The following CCR3 variants were observed in gnomAD, a reference collection of about 807,000 sequenced individuals.
CCR3 encodes C-C chemokine receptor type 3.
For synonymous variants in CCR3, 203 were observed against 179.2 expected, an observed-to-expected ratio of 1.13 and a Z score of -1.06; for missense variants, 419 against 437.5, an observed-to-expected ratio of 0.96 and a Z score of 0.38.
In CCR3 at chr3:46,262,697, C is replaced by T. The variant is rs547500655; in HGVS notation, c.-11-2451C>T. On this transcript the variant is annotated intron_variant, in intron 1 of 1. Transcript: ENST00000395940. ...TTTGAGATGGAGTCTGGCTGTCGCC[C>T]AGGCTGGAGTGCAGCGGCGTGATCA... Among the ~76,000 whole-genome samples the T allele has an allele frequency of 5.9e-5, 9 of 152,124 alleles. No individual in the cohort carries two copies. In the East Asian group the frequency reaches 1.5e-3, roughly 26 times the overall value.
chr3:46,253,587 C>T (rs1303737697), intron 1 of CCR3, among the ~76,000 whole-genome samples: 1 of 152,162 alleles, frequency 6.6e-6, no homozygotes. Context: ...CTGCATATAA[C>T]ACTTTTATTA....
chr3:46,251,439 G>C (rs1700309800), intron 1 of CCR3, among the ~76,000 whole-genome samples: 3 of 152,124 alleles, frequency 2.0e-5, no homozygotes, highest in African/African-American at 7.2e-5. Context: ...TTGGAGAAGA[G>C]AGTAAAAAGA....
At chr3:46,217,348 G>A (rs1559523822) in intron 2 of CCR3, among the ~76,000 whole-genome samples, 2 of 151,384 alleles carry the variant, frequency 1.3e-5, no homozygotes, top group Non-Finnish European at 3.0e-5. Context: ...TGAGATTGAT[G>A]GCAACACAAT....
In CCR3 at chr3:46,216,120, T is replaced by G. The variant is rs999357052; in HGVS notation, c.-68+5213T>G. The stretch of plus-strand genomic sequence containing the variant: ...AATTTGAAGTGTATGCATTTTTTAT[T>G]CCAGCAATTCCACTTTTATGAATTT... On this transcript the variant is annotated intron_variant, in intron 2 of 3. Transcript: ENST00000357422. Among the ~76,000 whole-genome samples, 8 of 152,332 alleles carry G rather than the reference T, an allele frequency of 5.3e-5. No homozygotes were observed. In the South Asian group the frequency reaches 1.7e-3, roughly 32 times the overall value.
At chr3:46,257,866 T>C (rs1413628388) in intron 1 of CCR3, among the ~76,000 whole-genome samples, 2 of 152,164 alleles carry the variant, frequency 1.3e-5, no homozygotes, top group Non-Finnish European at 2.9e-5. Context: ...GAGAAGCCAA[T>C]GTTGTAACTC....
chr3:46,247,299 T>C (rs1293687770), intron 1 of CCR3, among the ~76,000 whole-genome samples: 1 of 152,082 alleles, frequency 6.6e-6, no homozygotes, highest in African/African-American at 2.4e-5. Flanking sequence ...GATGACAAGT[T>C]TTTTTGGGGC....
chr3:46,264,259 C>G, intron 1 of CCR3: 2 of 701,410 alleles, frequency 2.9e-6, no homozygotes, highest in Non-Finnish European at 5.0e-6. Flanking sequence ...CCAGGCCTAA[C>G]TCAGCATCAC....
intron 1 of CCR3, among the ~76,000 whole-genome samples, chr3:46,242,998 T>TACAC (rs1559531046): frequency 5.0e-4 from 60 of 120,228 alleles, no homozygotes; most frequent in East Asian, 4.0e-3. Context: ...TATATATATA[T>TACAC]ATATACGCAC....
At chr3:46,245,799 TGTC>T (rs1221913081) in intron 1 of CCR3, among the ~76,000 whole-genome samples, 1 of 152,178 alleles carries the variant, frequency 6.6e-6, no homozygotes, top group East Asian at 1.9e-4. Context: ...AGTCAGAACA[TGTC>T]GTATTTGGTT....
At chr3:46,240,569 G>A (rs1700070489), upstream of CCR3, among the ~76,000 whole-genome samples, 1 of 152,066 alleles carries the variant, frequency 6.6e-6, no homozygotes, top group African/African-American at 2.4e-5. Context: ...TGTAGAACTT[G>A]CATTTGACAT....
At chr3:46,224,465 C>T (rs1699871074) in intron 2 of CCR3, among the ~76,000 whole-genome samples, 1 of 151,734 alleles carries the variant, frequency 6.6e-6, no homozygotes, top group Non-Finnish European at 1.5e-5. Context: ...TAGCTGGGCA[C>T]GGTGGCTCAC....
chr3:46,236,644 G>T (rs1204836104), intron 2 of CCR3, among the ~76,000 whole-genome samples: 2 of 152,222 alleles, frequency 1.3e-5, no homozygotes, highest in East Asian at 1.9e-4. Context: ...GCCCTCTTGG[G>T]ACTGCTGGTT....
chr3:46,246,427 G>A (rs567066823), intron 1 of CCR3, among the ~76,000 whole-genome samples: 57 of 152,248 alleles, frequency 3.7e-4, no homozygotes, highest in East Asian at 3.7e-3. Flanking sequence ...GGTAGGTAGA[G>A]GAAAATTACA....
At chr3:46,222,516 C>T (rs907336986) in intron 2 of CCR3, among the ~76,000 whole-genome samples, 2 of 152,128 alleles carry the variant, frequency 1.3e-5, no homozygotes, top group Non-Finnish European at 2.9e-5. Flanking sequence ...TCCAGAGTCC[C>T]TTAATCTTTC....
At chr3:46,229,700 A>G (rs1699940532) in intron 2 of CCR3, among the ~76,000 whole-genome samples, 1 of 152,208 alleles carries the variant, frequency 6.6e-6, no homozygotes, top group African/African-American at 2.4e-5. Context: ...CGGACATTAA[A>G]TTGATGTAGT....
intron 2 of CCR3, among the ~76,000 whole-genome samples, chr3:46,215,234 G>A (rs981563407): frequency 6.6e-6 from 1 of 152,180 alleles, no homozygotes; most frequent in Admixed American, 6.5e-5. Context: ...CAGCTATTAA[G>A]CATGTGTTCT....
chr3:46,227,339 C>CT (rs3053352), intron 2 of CCR3, among the ~76,000 whole-genome samples: 3 of 151,840 alleles, frequency 2.0e-5, no homozygotes, highest in Non-Finnish European at 2.9e-5. Flanking sequence ...AGTAATATCC[C>CT]GTTTTATTTC....
chr3:46,228,208 A>C (rs1699925624), intron 2 of CCR3, among the ~76,000 whole-genome samples: 3 of 145,716 alleles, frequency 2.1e-5, no homozygotes, highest in African/African-American at 5.1e-5. Context: ...TTCCAATCTC[A>C]CTGGGGACAC....
At chr3:46,211,401 T>A (rs1396850866) in intron 2 of CCR3, among the ~76,000 whole-genome samples, 1 of 145,846 alleles carries the variant, frequency 6.9e-6, no homozygotes, top group African/African-American at 2.8e-5. Context: ...ATATATATTT[T>A]TTGTAGAAAT....
Sources: allele counts gnomAD v4.1 joint callset (sites outside exome capture counted in the v4.1 genomes callset), GRCh38; gene constraint gnomAD v4.1.1; transcripts MANE v1.5; gene names NCBI Gene and HGNC (gene_info 2026-07-23, HGNC 2026-07-21).